The following OLAH variants were observed in gnomAD, a reference collection of about 807,000 sequenced individuals.
OLAH encodes S-acyl fatty acid synthase thioesterase, medium chain.
OLAH carries 33 observed loss-of-function variants against 27.8 expected under a neutral mutation model. That is an observed-to-expected ratio of 1.19 (90% CI 0.90 to 1.59). The LOEUF is 1.59. Ranked by LOEUF, OLAH falls within the 40% of genes most tolerant of loss-of-function variation. The pLI is 0.00. For synonymous variants in OLAH, 120 were observed against 102.9 expected (o/e 1.17, Z -1.01); for missense variants, 359 against 310.8 (o/e 1.16, Z -1.17).
chr10:15,047,127 G>C lies in OLAH; in HGVS notation c.-162G>C. The C allele has an allele frequency of 1.8e-6, 1 of 545,974 alleles. No homozygotes were observed. Among genetic ancestry groups the C allele is most frequent in the East Asian group, 3.0e-5 (1 of 33,136 alleles). The allele number at this position is 545,974 out of a possible 1,614,324, so 33.8% of individuals were successfully genotyped here. On this transcript the variant is annotated splice_region_variant and 5_prime_UTR_variant, in exon 2 of 8. Coordinates refer to ENST00000378228, the MANE Select transcript of OLAH (RefSeq NM_001039702.3). ...TCTGACCTTCTTTATTTTTAACAGGGATTGGAGAGGTCAATAAGAGTCAGC... is the reference window on the plus strand; with the variant it reads ...TCTGACCTTCTTTATTTTTAACAGGCATTGGAGAGGTCAATAAGAGTCAGC...
At chr10:15,057,017 G>T in intron 3 of OLAH, 2 of 1,372,200 alleles carry the variant, frequency 1.5e-6, no homozygotes, top group African/African-American at 1.5e-5. Context: ...CTTCTAGTTT[G>T]TGCCACCTTT....
Position 15,073,377 on chromosome 10 carries a change from G to C in OLAH, c.*148G>C. 1.6e-6 allele frequency: 1 copy of C among 622,712 alleles called. No homozygotes were observed. Among genetic ancestry groups the C allele is most frequent in the Non-Finnish European group, 2.7e-6 (1 of 371,648 alleles). The allele number at this position is 622,712 out of a possible 1,614,324, so 38.6% of individuals were successfully genotyped here. ...ACATAAATATATTTACGTATCTGGG[G>C]ACAAAGGTCAAGCCAGTAAAGAATA... is the stretch of plus-strand genomic sequence containing the variant. On this transcript the variant is annotated 3_prime_UTR_variant, in exon 8 of 8. Coordinates refer to ENST00000378228, the MANE Select transcript of OLAH (RefSeq NM_001039702.3).
intron 4 of OLAH, among the ~76,000 whole-genome samples, chr10:15,062,256 A>C (rs1844383043): frequency 6.6e-6 from 1 of 152,196 alleles, no homozygotes. Context: ...CTTCTGAGTT[A>C]GTTCCTTTTT....
At chr10:15,040,276 G>C (rs1374178134), upstream of OLAH, among the ~76,000 whole-genome samples, 1 of 152,024 alleles carries the variant, frequency 6.6e-6, no homozygotes, top group Non-Finnish European at 1.5e-5. Context: ...CCAGTCTCAT[G>C]CTTGGGTCAA....
chr10:15,062,734 G>A (rs1329324240), intron 4 of OLAH, among the ~76,000 whole-genome samples: 1 of 151,180 alleles, frequency 6.6e-6, no homozygotes, highest in Non-Finnish European at 1.5e-5. Flanking sequence ...ATAGTCCAGT[G>A]AACATTCTTT....
chr10:15,065,845 A>G, intron 6 of OLAH, 92 bp downstream of exon 6: 1 of 1,173,260 alleles, frequency 8.5e-7, no homozygotes, highest in Non-Finnish European at 1.2e-6. Flanking sequence ...CTTATGTGGG[A>G]AGACAAAATT....
intron 6 of OLAH, among the ~76,000 whole-genome samples, chr10:15,069,279 G>A (rs1844533196): frequency 6.6e-6 from 1 of 152,316 alleles, no homozygotes; most frequent in East Asian, 1.9e-4. Flanking sequence ...GCAGAACTCT[G>A]CTTGGTTTTG....
chr10:15,056,882 T>A (rs1564530647), intron 3 of OLAH: 6 of 1,533,934 alleles, frequency 3.9e-6, no homozygotes, highest in Non-Finnish European at 4.4e-6. Context: ...CAAGTGATCC[T>A]CCTGCTTCAG....
chr10:15,052,570 G>A (rs983652768), intron 3 of OLAH, among the ~76,000 whole-genome samples: 1 of 151,986 alleles, frequency 6.6e-6, no homozygotes, highest in African/African-American at 2.4e-5. Flanking sequence ...ACAGTATCTG[G>A]CCAGGAGATA....
upstream of OLAH, among the ~76,000 whole-genome samples, chr10:15,042,043 C>T (rs1417180753): frequency 6.6e-6 from 1 of 152,022 alleles, no homozygotes; most frequent in East Asian, 1.9e-4. Context: ...ACACTCTTCA[C>T]CTGCAAACCA....
At chr10:15,039,233 A>C (rs756376674), upstream of OLAH, among the ~76,000 whole-genome samples, 5 of 152,098 alleles carry the variant, frequency 3.3e-5, no homozygotes, top group Non-Finnish European at 7.4e-5. Flanking sequence ...CTCTCTAAAA[A>C]AAAAGGGAAT....
upstream of OLAH, among the ~76,000 whole-genome samples, chr10:15,040,069 G>A (rs138121586): frequency 2.6e-3 from 395 of 152,162 alleles, 2 homozygotes; most frequent in South Asian, 9.8e-3. Flanking sequence ...CTTTCCCCAT[G>A]CCCCATTCCT....
At chr10:15,071,270 A>G (rs1844581096) in intron 6 of OLAH, among the ~76,000 whole-genome samples, 1 of 151,748 alleles carries the variant, frequency 6.6e-6, no homozygotes, top group South Asian at 2.1e-4. Context: ...AGCACCTTCC[A>G]TCTCTCTCTA....
intron 1 of OLAH, among the ~76,000 whole-genome samples, chr10:15,033,008 G>A (rs953648932): frequency 6.6e-6 from 1 of 151,854 alleles, no homozygotes; most frequent in African/African-American, 2.4e-5. Flanking sequence ...AAGAAGCTGG[G>A]ATTACAGGTG....
At chr10:15,071,633 C>A in intron 6 of OLAH, 162 bp from the exon 7 acceptor site, 4 of 981,052 alleles carry the variant, frequency 4.1e-6, no homozygotes, top group Non-Finnish European at 4.8e-6. Flanking sequence ...CTCAGGCAGG[C>A]TTTGACAGGT....
At chr10:15,062,025 T>C (rs1190231829) in intron 4 of OLAH, 163 bp downstream of exon 4, 4 of 631,736 alleles carry the variant, frequency 6.3e-6, no homozygotes, top group Non-Finnish European at 1.0e-5. Context: ...CCAGTTTGTA[T>C]GGTAAGTATA....
At chr10:15,069,462 C>G (rs142768270) in intron 6 of OLAH, among the ~76,000 whole-genome samples, 1 of 152,330 alleles carries the variant, frequency 6.6e-6, no homozygotes, top group Non-Finnish European at 1.5e-5. Flanking sequence ...AGGTGGCAGT[C>G]TAGTGCCAGT....
At chr10:15,071,764 C>A in intron 6 of OLAH, 31 bp from the exon 7 acceptor site, 1 of 1,559,212 alleles carries the variant, frequency 6.4e-7, no homozygotes. Flanking sequence ...TGATTTCAAA[C>A]AATTACTAAC....
At chr10:15,038,251 TA>T (rs1364161670) in intron 1 of OLAH, among the ~76,000 whole-genome samples, 1 of 152,224 alleles carries the variant, frequency 6.6e-6, no homozygotes, top group East Asian at 1.9e-4. Flanking sequence ...TACAGGCTGA[TA>T]GGCGGAAGGG....
Sources: allele counts gnomAD v4.1 joint callset (sites outside exome capture counted in the v4.1 genomes callset), GRCh38; gene constraint gnomAD v4.1.1; transcripts MANE v1.5; gene names NCBI Gene and HGNC (gene_info 2026-07-23, HGNC 2026-07-21).